SGPL1: variants seen among roughly 807,000 people sequenced by gnomAD.
SGPL1 encodes the protein SP-lyase 1.
A neutral mutation model predicts 68.9 loss-of-function variants in SGPL1; 37 were observed. That is an observed-to-expected ratio of 0.54 (90% CI 0.41 to 0.71). SGPL1 has a LOEUF of 0.71. SGPL1 is among the 30% of genes least tolerant of loss of function. The pLI, the probability that SGPL1 is intolerant of heterozygous loss-of-function variation, is 0.00. For synonymous variants in SGPL1, 236 were observed against 248.5 expected (o/e 0.95, Z 0.47); for missense variants, 551 against 704.6 (o/e 0.78, Z 2.47).
chr10:70,865,366 A>G (rs775465244), intron 7 of SGPL1, among the ~76,000 whole-genome samples: 27 of 151,414 alleles, frequency 1.8e-4, no homozygotes, highest in Non-Finnish European at 3.5e-4. Context: ...GTCCAGGCCT[A>G]GGGGTTTTTT....
chr10:70,824,171 A>G (rs1845391136), intron 2 of SGPL1, among the ~76,000 whole-genome samples: 1 of 152,238 alleles, frequency 6.6e-6, no homozygotes, highest in African/African-American at 2.4e-5. Flanking sequence ...TAAGAAAGCA[A>G]GAAACCCTTC....
rs116807562 is a variant in SGPL1 at position 70,835,174 on chromosome 10, G to A, written c.28-9299G>A. Among the ~76,000 whole-genome samples the A allele has an allele frequency of 4.6e-3, 701 of 152,330 alleles. 2 individuals are homozygous for A. The highest frequency in any genetic ancestry group is 0.015 in the African/African-American group (621 of 41,570). On this transcript the variant is annotated intron_variant, in intron 2 of 14. Transcript: ENST00000373202. ...TCATAATTACTTTATTTGAATAAACGTTGAGTTCCTGCTGTGTTGAAGATG... is the reference window on the plus strand; with the variant it reads ...TCATAATTACTTTATTTGAATAAACATTGAGTTCCTGCTGTGTTGAAGATG...
chr10:70,856,216 G>A (rs990353029), intron 5 of SGPL1, among the ~76,000 whole-genome samples: 1 of 152,060 alleles, frequency 6.6e-6, no homozygotes, highest in South Asian at 2.1e-4. Flanking sequence ...GGTTGGTCTC[G>A]AACTCCTGAA....
At chr10:70,843,090 G>T (rs1845741230) in intron 2 of SGPL1, among the ~76,000 whole-genome samples, 1 of 152,110 alleles carries the variant, frequency 6.6e-6, no homozygotes, top group African/African-American at 2.4e-5. Flanking sequence ...TTTCTACCTA[G>T]AGAATTTTCT....
chr10:70,850,338 TTGTAGGTCC>T (rs1179090261), intron 3 of SGPL1, among the ~76,000 whole-genome samples: 1 of 152,120 alleles, frequency 6.6e-6, no homozygotes, highest in East Asian at 1.9e-4. Flanking sequence ...TTGAGGGCAT[TTGTAGGTCC>T]AGAAAATGTT....
At chr10:70,849,181 T>G (rs951923681) in intron 3 of SGPL1, among the ~76,000 whole-genome samples, 1 of 152,226 alleles carries the variant, frequency 6.6e-6, no homozygotes, top group Non-Finnish European at 1.5e-5. Flanking sequence ...TTGCTGATTT[T>G]TAGACTTCTT....
chr10:70,826,808 T>G (rs191930932), intron 2 of SGPL1, among the ~76,000 whole-genome samples: 9 of 152,378 alleles, frequency 5.9e-5, no homozygotes, highest in African/African-American at 2.2e-4. Context: ...TTTTGTGATT[T>G]TCCTGTGTTG....
At position 70,873,419 on chromosome 10, in the gene SGPL1, C is replaced by A; in HGVS notation, c.1128C>A (p.Phe376Leu). Residue 376 changes from phenylalanine to leucine, a missense_variant, in exon 12 of 15, where the codon TTC (phenylalanine) becomes TTA (leucine). Coordinates refer to ENST00000373202, the MANE Select transcript of SGPL1 (RefSeq NM_003901.4). The part of the protein sequence containing the change: ...YSDKKYRNYQ[F>L]FVDTDWQGGI... ...ACAAGAAGTACAGGAACTATCAGTTCTTCGTCGATACAGATTGGCAGGGTG... is the reference window on the plus strand; with the variant it reads ...ACAAGAAGTACAGGAACTATCAGTTATTCGTCGATACAGATTGGCAGGGTG... 6.2e-7 allele frequency: 1 copy of A among 1,614,268 alleles called. No individual in the cohort carries two copies. Among genetic ancestry groups the A allele is most frequent in the South Asian group, 1.1e-5 (1 of 91,092 alleles).
chr10:70,835,721 G>A (rs1233377785), intron 2 of SGPL1, among the ~76,000 whole-genome samples: 1 of 130,178 alleles, frequency 7.7e-6, no homozygotes, highest in Non-Finnish European at 1.6e-5. Flanking sequence ...GGGTGACAGA[G>A]CAAGACTCCG....
chr10:70,828,010 A>G (rs774885390), intron 2 of SGPL1, among the ~76,000 whole-genome samples: 9 of 152,222 alleles, frequency 5.9e-5, no homozygotes, highest in Non-Finnish European at 1.3e-4. Context: ...ATGTATAACT[A>G]TATTATAACT....
chr10:70,831,123 A>G (rs528427421), intron 2 of SGPL1, among the ~76,000 whole-genome samples: 1 of 152,288 alleles, frequency 6.6e-6, no homozygotes, highest in South Asian at 2.1e-4. Context: ...AGAGCCGTAA[A>G]CAGCCTCCTC....
At chr10:70,851,548 C>G (rs765048295) in intron 4 of SGPL1, among the ~76,000 whole-genome samples, 144 of 152,018 alleles carry the variant, frequency 9.5e-4, no homozygotes, top group African/African-American at 1.4e-3. Context: ...TCCAATGTAA[C>G]TGGCCAAAGG....
intron 2 of SGPL1, among the ~76,000 whole-genome samples, chr10:70,832,820 C>T (rs1015555948): frequency 7.2e-5 from 11 of 152,196 alleles, no homozygotes; most frequent in African/African-American, 2.7e-4. Flanking sequence ...TATTTTCCTA[C>T]AAAACTGGTA....
chr10:70,848,551 G>A (rs1425495248), intron 3 of SGPL1, among the ~76,000 whole-genome samples: 9 of 128,090 alleles, frequency 7.0e-5, no homozygotes, highest in African/African-American at 1.2e-4. Flanking sequence ...TGCAACCTCC[G>A]CCTCCTGGGT....
At chr10:70,835,696 A>G (rs1056561854) in intron 2 of SGPL1, among the ~76,000 whole-genome samples, 1 of 147,680 alleles carries the variant, frequency 6.8e-6, no homozygotes, top group African/African-American at 2.5e-5. Context: ...AGATTGCACC[A>G]CTGCACTCCA....
chr10:70,857,803 A>C, intron 6 of SGPL1, 113 bp downstream of exon 6: 2 of 594,906 alleles, frequency 3.4e-6, no homozygotes, highest in Non-Finnish European at 5.8e-6. Context: ...GCTTATTGGT[A>C]CAATAAAACC....
chr10:70,867,424 A>C (rs550461359), intron 7 of SGPL1, among the ~76,000 whole-genome samples: 1 of 152,152 alleles, frequency 6.6e-6, no homozygotes, highest in East Asian at 1.9e-4. Context: ...TTAGGTGGGC[A>C]TGGTGGTGGG....
At chr10:70,872,060 C>T in intron 11 of SGPL1, 74 bp downstream of exon 11, 1 of 1,428,480 alleles carries the variant, frequency 7.0e-7, no homozygotes, top group Non-Finnish European at 9.6e-7. Flanking sequence ...TTGGTAGCTT[C>T]CCCGCAAAGT....
chr10:70,829,808 G>T (rs1353162703), intron 2 of SGPL1, among the ~76,000 whole-genome samples: 2 of 152,188 alleles, frequency 1.3e-5, no homozygotes, highest in Non-Finnish European at 1.5e-5. Context: ...AAGAGTAGTG[G>T]TGAGGTGTCA....
Sources: allele counts gnomAD v4.1 joint callset (sites outside exome capture counted in the v4.1 genomes callset), GRCh38; gene constraint gnomAD v4.1.1; transcripts MANE v1.5; gene names NCBI Gene and HGNC (gene_info 2026-07-23, HGNC 2026-07-21).